Variants in C1QTNF7 observed in about 807,000 individuals in gnomAD.
C1QTNF7 encodes complement C1q tumor necrosis factor-related protein 7.
In C1QTNF7, 15 loss-of-function variants were observed where a neutral mutation model predicts 19.6. That is an observed-to-expected ratio of 0.76 (90% confidence interval 0.51 to 1.18). The LOEUF (loss-of-function observed/expected upper bound fraction) is 1.18. Among genes scored for constraint, C1QTNF7 ranks in the 50% most tolerant of loss-of-function variants. The probability of loss-of-function intolerance (pLI) is 0.00; values close to 1 mark genes in which losing one functional copy is unlikely to be tolerated. For synonymous variants in C1QTNF7, 142 were observed against 137.5 expected, an observed-to-expected ratio of 1.03 and a Z score of -0.23; for missense variants, 324 against 359.7, an observed-to-expected ratio of 0.90 and a Z score of 0.80.
At chr4:15,378,841 A>G (rs1477933812) in intron 1 of C1QTNF7, among the ~76,000 whole-genome samples, 1 of 152,260 alleles carries the variant, frequency 6.6e-6, no homozygotes, top group Non-Finnish European at 1.5e-5. Context: ...AAAATGGCAC[A>G]GCAGATCACT....
chr4:15,361,815 C>T (rs774021556), intron 1 of C1QTNF7, among the ~76,000 whole-genome samples: 4 of 152,114 alleles, frequency 2.6e-5, no homozygotes, highest in East Asian at 1.9e-4. Context: ...TATGAGTAGA[C>T]GGTTACATTT....
chr4:15,372,715 A>T (rs1717778427), intron 1 of C1QTNF7, among the ~76,000 whole-genome samples: 1 of 152,202 alleles, frequency 6.6e-6, no homozygotes, highest in African/African-American at 2.4e-5. Context: ...CTACTTCAAA[A>T]ATAAAGACAT....
intron 1 of C1QTNF7, among the ~76,000 whole-genome samples, chr4:15,394,759 G>A (rs1718718539): frequency 6.6e-6 from 1 of 152,210 alleles, no homozygotes; most frequent in Admixed American, 6.5e-5. Context: ...GATCACAGGA[G>A]AGATGATGGT....
intron 1 of C1QTNF7, among the ~76,000 whole-genome samples, chr4:15,420,826 CTTTTTTTTTT>C (rs61609914): frequency 3.0e-5 from 2 of 66,246 alleles, no homozygotes; most frequent in South Asian, 8.4e-4. Context: ...ACTGCTTTGT[CTTTTTTTTTT>C]TTTTTTTTTT....
chr4:15,442,078 A>C lies in C1QTNF7; in HGVS notation c.239-90A>C. ...CTGTTAAATGTTGCCTGAAAAGACA[A>C]AGTTGGGATGTGCTGGGACCATGTA... is the stretch of plus-strand genomic sequence containing the variant. On this transcript the variant is annotated intron_variant, in intron 2 of 2. Transcript: ENST00000444304. 2.1e-6 allele frequency: 3 copies of C among 1,435,564 alleles called. No individual in the cohort carries two copies. In the South Asian group the frequency reaches 4.2e-5, roughly 20 times the overall value. 88.9% of individuals were successfully genotyped at this position (1,435,564 alleles called of 1,614,324 possible).
chr4:15,408,985 A>C (rs1302508173), intron 1 of C1QTNF7, among the ~76,000 whole-genome samples: 2 of 152,200 alleles, frequency 1.3e-5, no homozygotes, highest in Non-Finnish European at 2.9e-5. Context: ...TTGGTAGGGC[A>C]TCCTGAGCTG....
chr4:15,414,670 C>T (rs1253374454), intron 1 of C1QTNF7, among the ~76,000 whole-genome samples: 2 of 152,080 alleles, frequency 1.3e-5, no homozygotes, highest in African/African-American at 4.8e-5. Context: ...TAGAATCTCT[C>T]CATTTCTCCT....
At chr4:15,392,905 G>A (rs1009691036) in intron 1 of C1QTNF7, among the ~76,000 whole-genome samples, 1 of 152,164 alleles carries the variant, frequency 6.6e-6, no homozygotes, top group African/African-American at 2.4e-5. Flanking sequence ...CATCATGACT[G>A]CAATAAAAGC....
Position 15,397,376 on chromosome 4 carries a change from C to T in C1QTNF7, c.14-38360C>T, listed in dbSNP as rs1057361129. On this transcript the variant is annotated intron_variant, in intron 1 of 2. Coordinates refer to the C1QTNF7 transcript ENST00000295297. ...TCCCACAGTGGACTCTATAGCTACTCGCCTGCTCTGCAACCTCCTGGGCCT... is the reference window on the plus strand; with the variant it reads ...TCCCACAGTGGACTCTATAGCTACTTGCCTGCTCTGCAACCTCCTGGGCCT... 8.5e-5 allele frequency among the ~76,000 whole-genome samples: 13 copies of T among 152,338 alleles called. No individual in the cohort carries two copies. The East Asian group carries it at 1.9e-3, about 23-fold the overall frequency.
intron 1 of C1QTNF7, among the ~76,000 whole-genome samples, chr4:15,429,874 A>G (rs1712230033): frequency 6.6e-6 from 1 of 152,130 alleles, no homozygotes; most frequent in Non-Finnish European, 1.5e-5. Context: ...GCGCTGCACC[A>G]TTTTACATTC....
intron 1 of C1QTNF7, among the ~76,000 whole-genome samples, chr4:15,375,877 TGG>T (rs1419764164): frequency 6.6e-6 from 1 of 152,222 alleles, no homozygotes. Flanking sequence ...TGAGTAATTT[TGG>T]TGTGTACTTC....
intron 2 of C1QTNF7, among the ~76,000 whole-genome samples, chr4:15,437,159 C>A (rs1412339200): frequency 2.0e-5 from 3 of 151,936 alleles, no homozygotes; most frequent in Non-Finnish European, 4.4e-5. Flanking sequence ...ATAATAACAT[C>A]AGGATTATAG....
intron 1 of C1QTNF7, among the ~76,000 whole-genome samples, chr4:15,429,594 C>G (rs1373046351): frequency 6.6e-6 from 1 of 152,202 alleles, no homozygotes; most frequent in Non-Finnish European, 1.5e-5. Flanking sequence ...GAAGAAGATT[C>G]CATTGTACGT....
upstream of C1QTNF7, chr4:15,428,013 G>A: frequency 2.0e-6 from 2 of 984,692 alleles, no homozygotes; most frequent in Non-Finnish European, 2.4e-6. Flanking sequence ...TATTCTGTCT[G>A]GTACCAAAGC....
intron 1 of C1QTNF7, among the ~76,000 whole-genome samples, chr4:15,431,743 G>GT (rs2108935292): frequency 6.6e-6 from 1 of 152,104 alleles, no homozygotes; most frequent in Non-Finnish European, 1.5e-5. Flanking sequence ...TGTTTTTTGG[G>GT]TTAAGCCCTG....
At chr4:15,368,429 A>G (rs901785347) in intron 1 of C1QTNF7, among the ~76,000 whole-genome samples, 1 of 151,960 alleles carries the variant, frequency 6.6e-6, no homozygotes, top group Non-Finnish European at 1.5e-5. Flanking sequence ...TCCTAATGCT[A>G]TCCCTCCCCA....
At chr4:15,406,363 G>T (rs1340156405) in intron 1 of C1QTNF7, among the ~76,000 whole-genome samples, 1 of 152,182 alleles carries the variant, frequency 6.6e-6, no homozygotes, top group Non-Finnish European at 1.5e-5. Context: ...GGGATAACAG[G>T]CTAAGGGTAG....
At chr4:15,399,317 G>C (rs980786814) in intron 1 of C1QTNF7, among the ~76,000 whole-genome samples, 1 of 152,112 alleles carries the variant, frequency 6.6e-6, no homozygotes, top group Non-Finnish European at 1.5e-5. Flanking sequence ...GGGTGTGTTG[G>C]GGAGGAAGCC....
chr4:15,371,609 A>G (rs1717730967), intron 1 of C1QTNF7, among the ~76,000 whole-genome samples: 1 of 152,206 alleles, frequency 6.6e-6, no homozygotes, highest in African/African-American at 2.4e-5. Context: ...CACTTATGAC[A>G]TCCTATGAAA....
Sources: allele counts gnomAD v4.1 joint callset (sites outside exome capture counted in the v4.1 genomes callset), GRCh38; gene constraint gnomAD v4.1.1; transcripts MANE v1.5; gene names NCBI Gene and HGNC (gene_info 2026-07-23, HGNC 2026-07-21).